The following PTPRN2 variants were observed in gnomAD, a reference collection of about 807,000 sequenced individuals.
The protein encoded by PTPRN2 is receptor-type tyrosine-protein phosphatase N2.
A neutral mutation model predicts 118.8 loss-of-function variants in PTPRN2; 74 were observed. The ratio of observed to expected loss-of-function variants is 0.62; its 90% CI spans 0.52 to 0.76. The LOEUF (loss-of-function observed/expected upper bound fraction) is 0.76. Ranked by LOEUF, PTPRN2 falls within the 30% of genes least tolerant of loss-of-function variation. The pLI, the probability that PTPRN2 is intolerant of heterozygous loss-of-function variation, is 0.00. For missense variants in PTPRN2, 1,481 were observed against 1,394.4 expected (o/e 1.06, Z -0.99); for synonymous variants, 641 against 608.0 (o/e 1.05, Z -0.80).
chr7:157,625,965 G>A (rs747716463), intron 14 of PTPRN2, among the ~76,000 whole-genome samples: 5 of 152,182 alleles, frequency 3.3e-5, no homozygotes, highest in Non-Finnish European at 7.3e-5. Context: ...CCCCAGTGCT[G>A]AGTACCTTCA....
At chr7:157,546,159 G>A (rs926560806) in intron 22 of PTPRN2, among the ~76,000 whole-genome samples, 2 of 152,162 alleles carry the variant, frequency 1.3e-5, no homozygotes, top group African/African-American at 4.8e-5. Context: ...AGTCCAAGAA[G>A]GAAGCAGCTA....
intron 3 of PTPRN2, among the ~76,000 whole-genome samples, chr7:158,287,407 T>C (rs1799835814): frequency 6.6e-6 from 1 of 152,152 alleles, no homozygotes; most frequent in Non-Finnish European, 1.5e-5. Flanking sequence ...AGGTGTAATA[T>C]TAGGTTGTTT....
chr7:158,579,749 G>A (rs974207013), intron 1 of PTPRN2, among the ~76,000 whole-genome samples: 1 of 152,224 alleles, frequency 6.6e-6, no homozygotes, highest in Non-Finnish European at 1.5e-5. Flanking sequence ...TTCTATTTCA[G>A]TGAAAAAGCC....
At chr7:157,684,335 C>A (rs1797058064) in intron 12 of PTPRN2, among the ~76,000 whole-genome samples, 1 of 148,522 alleles carries the variant, frequency 6.7e-6, no homozygotes, top group Non-Finnish European at 1.5e-5. Flanking sequence ...GCGGTGGAGC[C>A]GCCGCGGAGA....
intron 10 of PTPRN2, among the ~76,000 whole-genome samples, chr7:158,086,573 G>A (rs1390192416): frequency 6.6e-6 from 1 of 152,202 alleles, no homozygotes; most frequent in Non-Finnish European, 1.5e-5. Flanking sequence ...CACTGTGCTG[G>A]GGCCATTTAA....
intron 19 of PTPRN2, among the ~76,000 whole-genome samples, chr7:157,572,565 G>A (rs1050000652): frequency 6.6e-6 from 1 of 152,208 alleles, no homozygotes; most frequent in African/African-American, 2.4e-5. Flanking sequence ...GAGCATGAGG[G>A]GAGGGATGCT....
At chr7:158,558,228 C>T (rs936501841) in intron 1 of PTPRN2, among the ~76,000 whole-genome samples, 5 of 152,306 alleles carry the variant, frequency 3.3e-5, no homozygotes, top group Admixed American at 2.0e-4. Flanking sequence ...TCAAGCAATC[C>T]TCCCACCTCA....
intron 1 of PTPRN2, among the ~76,000 whole-genome samples, chr7:158,495,392 C>T (rs2129445792): frequency 6.6e-6 from 1 of 152,302 alleles, no homozygotes; most frequent in East Asian, 1.9e-4. Context: ...TCCAACCCCA[C>T]CTCCTCTGCA....
At chr7:157,866,657 C>T (rs1584909762) in intron 12 of PTPRN2, among the ~76,000 whole-genome samples, 2 of 152,048 alleles carry the variant, frequency 1.3e-5, no homozygotes, top group South Asian at 2.1e-4. Flanking sequence ...GGGTCTGCAC[C>T]GAGGCTGTCT....
At chr7:157,599,096 G>C (rs1801514885) in intron 16 of PTPRN2, among the ~76,000 whole-genome samples, 1 of 151,166 alleles carries the variant, frequency 6.6e-6, no homozygotes, top group Non-Finnish European at 1.5e-5. Flanking sequence ...TGCAACCTCT[G>C]CCTCCTGGGT....
chr7:158,155,784 C>CCATCATCATCACCAT (rs200592139), intron 6 of PTPRN2, among the ~76,000 whole-genome samples: 1 of 148,434 alleles, frequency 6.7e-6, no homozygotes, highest in Non-Finnish European at 1.5e-5. Context: ...ACTATCATTA[C>CCATCATCATCACCAT]CATCATCAAC....
At position 157,609,898 on chromosome 7, in the gene PTPRN2, T is replaced by C. The variant is rs539267443; in HGVS notation, c.2345-5823A>G. On this transcript the variant is annotated intron_variant, in intron 15 of 22. Coordinates refer to ENST00000389418, the MANE Select transcript of PTPRN2 (RefSeq NM_002847.5). The surrounding 1 kb of genome is among the most constrained non-coding windows in gnomAD (Gnocchi z 4.9). ...CACAATTTCTTGTTGATTATTACTA[T>C]GGCAAAGAGCCTTGGGAGATGGCCC... Among the ~76,000 whole-genome samples the C allele has an allele frequency of 3.9e-5, 6 of 152,322 alleles. No homozygotes were observed. Among genetic ancestry groups the C allele is most frequent in the Non-Finnish European group, 7.3e-5 (5 of 68,032 alleles).
In PTPRN2 at chr7:158,438,620, G is replaced by C. The variant is rs1381331125; in HGVS notation, c.163+51115C>G. ...GATGCAAACAGATCATTATAGCCAA[G>C]AGAAGGTCAGTTCTGATCGTTGTTG... On this transcript the variant is annotated intron_variant, in intron 2 of 22. Coordinates refer to ENST00000389418, the MANE Select transcript of PTPRN2 (RefSeq NM_002847.5). This position sits in a 1 kb window ranked among gnomAD's most constrained non-coding sequence, Gnocchi z 4.7. Among the ~76,000 whole-genome samples, 1 of 152,162 alleles carries C rather than the reference G, an allele frequency of 6.6e-6. No individual in the cohort carries two copies. Among genetic ancestry groups the C allele is most frequent in the African/African-American group, 2.4e-5 (1 of 41,432 alleles).
intron 17 of PTPRN2, among the ~76,000 whole-genome samples, chr7:157,589,811 T>G (rs1044375387): frequency 6.6e-6 from 1 of 152,272 alleles, no homozygotes. Context: ...AAGAAAGTTT[T>G]ACGCACCACC....
chr7:157,924,915 C>T (rs1798883743), intron 11 of PTPRN2, among the ~76,000 whole-genome samples: 4 of 134,016 alleles, frequency 3.0e-5, no homozygotes, highest in Admixed American at 2.9e-4. Flanking sequence ...CAGGCACCTG[C>T]ATTTAGCACG....
At position 157,929,985 on chromosome 7, in the gene PTPRN2, C is replaced by T. The variant is rs575437146; in HGVS notation, c.1724-31248G>A. ...ACCTAGACACCCGTCCCAGCTCAGA[C>T]GCTCAGCTCTGGGCCATCACCCGTC... On this transcript the variant is annotated intron_variant, in intron 11 of 22. Transcript: ENST00000389418. This position sits in a 1 kb window ranked among gnomAD's most constrained non-coding sequence, Gnocchi z 4.4. Among the ~76,000 whole-genome samples, 2 of 152,238 alleles carry T rather than the reference C, an allele frequency of 1.3e-5. No individual in the cohort carries two copies. Among genetic ancestry groups the T allele is most frequent in the African/African-American group, 4.8e-5 (2 of 41,454 alleles).
intron 9 of PTPRN2, among the ~76,000 whole-genome samples, chr7:158,119,587 T>C (rs1319220743): frequency 6.6e-6 from 1 of 151,582 alleles, no homozygotes; most frequent in Non-Finnish European, 1.5e-5. Context: ...GTACCTGAGG[T>C]ACAGTACAAG....
intron 5 of PTPRN2, 122 bp downstream of exon 5, chr7:158,192,205 G>A (rs2150704483): frequency 8.7e-7 from 1 of 1,154,502 alleles, no homozygotes; most frequent in Non-Finnish European, 1.1e-6. Context: ...TTCACAGGAT[G>A]CCCGCTGGCC....
intron 2 of PTPRN2, among the ~76,000 whole-genome samples, chr7:158,478,822 A>G (rs1820452572): frequency 6.6e-6 from 1 of 152,176 alleles, no homozygotes; most frequent in South Asian, 2.1e-4. Context: ...TCATATTCTC[A>G]ATGACAAGGA....
Sources: allele counts gnomAD v4.1 joint callset (sites outside exome capture counted in the v4.1 genomes callset), GRCh38; gene constraint gnomAD v4.1.1; non-coding constraint Gnocchi (gnomAD v3.1); transcripts MANE v1.5; gene names NCBI Gene and HGNC (gene_info 2026-07-23, HGNC 2026-07-21).